Variants in ZNF786 observed in about 807,000 individuals in gnomAD.
The protein encoded by ZNF786 is zinc finger protein 786.
ZNF786 carries 56 observed loss-of-function variants against 63.1 expected under a neutral mutation model. That is an observed-to-expected ratio of 0.89 (90% CI 0.72 to 1.11). The LOEUF (loss-of-function observed/expected upper bound fraction) is 1.11. Among genes scored for constraint, ZNF786 ranks in the 50% least tolerant of loss-of-function variants. The probability of loss-of-function intolerance (pLI) is 0.00; values close to 1 mark genes in which losing one functional copy is unlikely to be tolerated. For synonymous variants in ZNF786, 485 were observed against 406.9 expected (o/e 1.19, Z -2.31); for missense variants, 1,213 against 1,041.8 (o/e 1.16, Z -2.26).
At chr7:149,080,191 A>G (rs1284458464) in intron 2 of ZNF786, among the ~76,000 whole-genome samples, 2 of 152,030 alleles carry the variant, frequency 1.3e-5, no homozygotes, top group African/African-American at 2.4e-5. Flanking sequence ...ACACCCTTCC[A>G]AAATAGCTTT....
In ZNF786 at chr7:149,071,258, C is replaced by T. The variant is rs200138555; in HGVS notation, c.1514G>A (p.Gly505Glu). 1.5e-4 allele frequency: 234 copies of T among 1,612,700 alleles called. No homozygotes were observed. The highest frequency in any genetic ancestry group is 1.8e-4 in the Non-Finnish European group (216 of 1,179,476). The change falls in exon 4 of 4, where the codon GGG becomes GAG. Residue 505 changes from glycine to glutamate, a missense_variant. Coordinates refer to ENST00000491431, the MANE Select transcript of ZNF786 (RefSeq NM_152411.4). ...MLRAHRLRHG[G>E]ERPFSCSECG... ...CTCGCTACAGGAGAACGGCCTCTCC[C>T]CACCGTGCCGGAGCCGGTGGGCTCT...
At chr7:149,079,702 C>G (rs1387926539) in intron 2 of ZNF786, among the ~76,000 whole-genome samples, 4 of 149,292 alleles carry the variant, frequency 2.7e-5, no homozygotes, top group Non-Finnish European at 5.9e-5. Context: ...TCCTGAGTAG[C>G]TGGGACTACA....
In ZNF786 at chr7:149,079,772, T is replaced by C. The variant is rs1207095956; in HGVS notation, c.145+819A>G. ...TTTTAGTAGAGACGGGGTTTCACCATGTTGGCCAGGATGTTCTTGATCTCT... is the reference window on the plus strand; with the variant it reads ...TTTTAGTAGAGACGGGGTTTCACCACGTTGGCCAGGATGTTCTTGATCTCT... On this transcript the variant is annotated intron_variant, in intron 2 of 3. Transcript: ENST00000491431. Among the ~76,000 whole-genome samples the C allele has an allele frequency of 2.0e-5, 3 of 146,640 alleles. No homozygotes were observed. The East Asian group carries it at 7.1e-4, about 35-fold the overall frequency.
chr7:149,071,598 T>G lies in ZNF786; in HGVS notation c.1174A>C (p.Thr392Pro), dbSNP rs1438121517. The change falls in exon 4 of 4, where the codon ACT becomes CCT. Residue 392 changes from threonine (T) to proline (P), a missense_variant. Physicochemically the swap from Thr to Pro is conservative, Grantham distance 38. Coordinates refer to ENST00000491431, the MANE Select transcript of ZNF786 (RefSeq NM_152411.4). The stretch of plus-strand genomic sequence containing the variant: ...GCACACTGGAAGGGCTTTTCTCCAG[T>G]ATGCGCCCTGCAGGGGCTGGCGAGC... ...ARLASPCRAH[T>P]GEKPFQCAHC... 5.0e-6 allele frequency: 8 copies of G among 1,604,992 alleles called. No individual in the cohort carries two copies. The African/African-American group carries it at 8.0e-5, about 16-fold the overall frequency.
chr7:149,086,317 G>A (rs797018516), intron 1 of ZNF786, among the ~76,000 whole-genome samples: 75 of 152,258 alleles, frequency 4.9e-4, no homozygotes, highest in African/African-American at 1.8e-3. Context: ...GGCCTCAGAT[G>A]GCTTTTGTTC....
chr7:149,085,669 G>A (rs1468504331), intron 1 of ZNF786, among the ~76,000 whole-genome samples: 2 of 150,198 alleles, frequency 1.3e-5, no homozygotes, highest in Admixed American at 6.6e-5. Context: ...CAATGAATCT[G>A]GAAACTGCTT....
intron 1 of ZNF786, 116 bp from the exon 2 acceptor site, chr7:149,080,833 C>T: frequency 1.6e-6 from 2 of 1,260,168 alleles, no homozygotes; most frequent in Non-Finnish European, 2.2e-6. Flanking sequence ...GGTTGTTCAG[C>T]AGCTTCTTCC....
chr7:149,085,353 G>A (rs1268429120), intron 1 of ZNF786, among the ~76,000 whole-genome samples: 1 of 152,010 alleles, frequency 6.6e-6, no homozygotes, highest in African/African-American at 2.4e-5. Context: ...AGTAAGTTGG[G>A]AGCCCAGGAG....
intron 1 of ZNF786, among the ~76,000 whole-genome samples, chr7:149,089,655 TA>T (rs147901419): frequency 0.017 from 2,532 of 151,600 alleles, 75 homozygotes; most frequent in African/African-American, 0.058. Flanking sequence ...TTTTACTCAT[TA>T]ATAATTTATT....
rs1015319815 is a variant in ZNF786, at chr7:149,071,301, G to C, written c.1471C>G (p.Arg491Gly). Residue 491 changes from arginine to glycine, a missense_variant, in exon 4 of 4, where the codon CGC becomes GGC. Coordinates refer to ENST00000491431, the MANE Select transcript of ZNF786 (RefSeq NM_152411.4). ...FQCPECGLSFRLESMLRAHRL... is the reference protein window; with the variant it reads ...FQCPECGLSFGLESMLRAHRL... The stretch of plus-strand genomic sequence containing the variant: ...TGGGCTCTCAGCATGCTCTCCAGGC[G>C]GAAGCTCAGCCCACACTCTGGGCAC... 6.2e-7 allele frequency: 1 copy of C among 1,613,128 alleles called. No individual in the cohort carries two copies. Among genetic ancestry groups the C allele is most frequent in the Admixed American group, 1.7e-5 (1 of 59,996 alleles).
intron 1 of ZNF786, among the ~76,000 whole-genome samples, chr7:149,087,714 CT>C (rs906546438): frequency 6.6e-6 from 1 of 152,164 alleles, no homozygotes; most frequent in African/African-American, 2.4e-5. Flanking sequence ...GATAACCTTC[CT>C]TTCACCACTT....
At chr7:149,076,125 G>T (rs1047165279) in intron 2 of ZNF786, among the ~76,000 whole-genome samples, 14 of 150,752 alleles carry the variant, frequency 9.3e-5, no homozygotes, top group African/African-American at 2.9e-4. Flanking sequence ...TTTTTGTTTT[G>T]TTTTTTTTGA....
In ZNF786 at chr7:149,076,511, G is replaced by A. The variant is rs1348496185; in HGVS notation, c.146-1973C>T. On this transcript the variant is annotated intron_variant, in intron 2 of 3. Transcript: ENST00000491431. ...TGGGAGGCCGAGGCGGGAGGATGAC[G>A]AGGTCAGGAGTTCGAGACCAGCCTG... Among the ~76,000 whole-genome samples, 5 of 150,796 alleles carry A rather than the reference G, an allele frequency of 3.3e-5. No individual in the cohort carries two copies. In the East Asian group the frequency reaches 6.0e-4, roughly 18 times the overall value.
intron 1 of ZNF786, chr7:149,081,279 T>C: frequency 2.5e-6 from 1 of 396,266 alleles, no homozygotes; most frequent in Non-Finnish European, 4.9e-6. Context: ...CTACTAAAAA[T>C]ACAAAAATTA....
rs573027357 is a variant in ZNF786 at position 149,070,840 on chromosome 7, G to C, written c.1932C>G (p.Ser644Arg). 3 of 1,613,584 alleles carry C rather than the reference G, an allele frequency of 1.9e-6. No individual in the cohort carries two copies. Among genetic ancestry groups the C allele is most frequent in the Non-Finnish European group, 2.5e-6 (3 of 1,179,900 alleles). ...ADMKAHQLLH[S>R]GEMPFSCECG... ...ACTCACAGGAGAAAGGCATCTCCCC[G>C]CTGTGCAGCAGCTGGTGGGCCTTCA... Residue 644 changes from serine to arginine, a missense_variant, in exon 4 of 4, where the codon AGC (serine) becomes AGG (arginine). By Grantham distance (110) the Ser-to-Arg change is moderately radical. Transcript: ENST00000491431.
Position 149,090,697 on chromosome 7 carries a change from G to A in ZNF786, c.-57C>T. 6.4e-7 allele frequency: 1 copy of A among 1,557,786 alleles called. No homozygotes were observed. On this transcript the variant is annotated 5_prime_UTR_variant, in exon 1 of 4. Coordinates refer to ENST00000491431, the MANE Select transcript of ZNF786 (RefSeq NM_152411.4). Reference sequence around the variant, plus strand: ...CCCGACCGTCTCCGGCGGCTCCGCAGGAACCTGCCCTGCTGCGCACTGACT... The same window carrying A: ...CCCGACCGTCTCCGGCGGCTCCGCAAGAACCTGCCCTGCTGCGCACTGACT...
In ZNF786 at chr7:149,070,155, T is replaced by C. The variant is rs925700005; in HGVS notation, c.*268A>G. ...TTTTATAATGCTGTCTTTTCCAATA[T>C]AGCTGGGATCACGCCACTGCACTCC... On this transcript the variant is annotated 3_prime_UTR_variant, in exon 4 of 4. Transcript: ENST00000491431. The C allele has an allele frequency of 3.2e-6, 1 of 311,934 alleles. No homozygotes were observed. Among genetic ancestry groups the C allele is most frequent in the Non-Finnish European group, 5.9e-6 (1 of 169,732 alleles). 19.3% of individuals were successfully genotyped at this position (311,934 alleles called of 1,614,324 possible).
In ZNF786 at chr7:149,071,872, T is replaced by C. The variant is rs774791183; in HGVS notation, c.900A>G (p.Pro300=). The C allele has an allele frequency of 1.9e-6, 3 of 1,600,398 alleles. No individual in the cohort carries two copies. The highest frequency in any genetic ancestry group is 2.7e-5 in the African/African-American group (2 of 74,940). The change falls in exon 4 of 4, where the codon CCA becomes CCG. Residue 300 remains proline, a synonymous_variant. Transcript: ENST00000491431. The part of the protein sequence containing the change: ...QQGEKPAQCT[P]CGKRSLPVDS... ...CCACTGGGAGGGAGCGCTTGCCGCA[T>C]GGGGTGCACTGGGCAGGCTTCTCCC...
At position 149,070,432 on chromosome 7, in the gene ZNF786, A is replaced by G. The variant is rs772201652; in HGVS notation, c.2340T>C (p.Asp780=). The G allele has an allele frequency of 8.7e-6, 14 of 1,612,294 alleles. No homozygotes were observed. The highest frequency in any genetic ancestry group is 8.3e-5 in the Admixed American group (5 of 59,956). ...GATGTCCCACTCTGCCTCAACTCCA[A>G]TCGGCCTCTATCATTGCAAACAGTT... ...LSQLFAMIEA[D]WS The change falls in exon 4 of 4, where the codon GAT becomes GAC. Residue 780 remains aspartate (D), a synonymous_variant. Transcript: ENST00000491431.
Sources: gnomAD v4.1 joint callset for allele counts (sites outside exome capture counted in the v4.1 genomes callset) on GRCh38, gnomAD v4.1.1 for gene constraint, MANE v1.5 for transcripts, NCBI Gene and HGNC (gene_info 2026-07-23, HGNC 2026-07-21) for gene names.